NF2: variants seen among roughly 807,000 people sequenced by gnomAD.
NF2 encodes NF2, moesin-ezrin-radixin like (MERLIN) tumor suppressor.
In NF2, 8 loss-of-function variants were observed where a neutral mutation model predicts 83.7. The ratio of observed to expected loss-of-function variants is 0.10; its 90% CI spans 0.06 to 0.17. The LOEUF is 0.17. Ranked by LOEUF, NF2 falls within the 10% of genes least tolerant of loss-of-function variation. The pLI, the probability that NF2 is intolerant of heterozygous loss-of-function variation, is 1.00. For synonymous variants in NF2, 266 were observed against 269.6 expected, an observed-to-expected ratio of 0.99 and a Z score of 0.13; for missense variants, 533 against 744.4, an observed-to-expected ratio of 0.72 and a Z score of 3.31.
In NF2 at chr22:29,636,959, G is replaced by A. The variant is rs2146856604; in HGVS notation, c.240+83G>A. On this transcript the variant is annotated intron_variant, in intron 2 of 15. Transcript: ENST00000338641. The surrounding 1 kb of genome is among the most constrained non-coding windows in gnomAD (Gnocchi z 4.4). ...TGAGCAGGCGCCTAGCTCATCACTG[G>A]GGCGCTGTAGCTGTATAGTAGAGAA... 1 of 1,593,130 alleles carries A rather than the reference G, an allele frequency of 6.3e-7. No homozygotes were observed. The highest frequency in any genetic ancestry group is 1.7e-5 in the Admixed American group (1 of 59,956).
chr22:29,604,094 G>C lies in NF2; in HGVS notation c.96G>C (p.Glu32Asp). 6.2e-7 allele frequency: 1 copy of C among 1,606,562 alleles called. No individual in the cohort carries two copies. Among genetic ancestry groups the C allele is most frequent in the Non-Finnish European group, 8.5e-7 (1 of 1,176,690 alleles). ...TGAGGATCGTCACCATGGACGCCGA[G>C]ATGGAGTTCAATTGCGAGGTAACCG... ...FTVRIVTMDA[E>D]MEFNCEMKWK... Residue 32 changes from glutamate to aspartate, a missense_variant, in exon 1 of 16, where the codon GAG becomes GAC. By Grantham distance (45) the Glu-to-Asp change is conservative. Coordinates refer to ENST00000338641, the MANE Select transcript of NF2 (RefSeq NM_000268.4).
intron 8 of NF2, among the ~76,000 whole-genome samples, chr22:29,662,405 G>A (rs932235263): frequency 2.0e-5 from 3 of 152,208 alleles, no homozygotes; most frequent in African/African-American, 7.2e-5. Context: ...TGGAATTACA[G>A]GTGTGAGCCA....
At chr22:29,693,680 G>C (rs2158619) in intron 15 of NF2, among the ~76,000 whole-genome samples, 112,186 of 152,118 alleles carry the variant, frequency 0.74, 42,249 homozygotes, top group East Asian at 0.91. Context: ...CTTCTCAGCC[G>C]GGTGTGGAGC....
chr22:29,649,539 G>A (rs1384004171), intron 4 of NF2, among the ~76,000 whole-genome samples: 2 of 151,992 alleles, frequency 1.3e-5, no homozygotes, highest in African/African-American at 2.4e-5. Context: ...CCTTTCTCCA[G>A]AAAAAGGCAA....
intron 8 of NF2, among the ~76,000 whole-genome samples, chr22:29,664,400 C>T (rs2857644): frequency 0.047 from 7,123 of 152,022 alleles, 237 homozygotes; most frequent in Non-Finnish European, 0.073. Flanking sequence ...CACACACACA[C>T]ACACACAGCT....
At chr22:29,650,973 C>T (rs946166104) in intron 4 of NF2, among the ~76,000 whole-genome samples, 6 of 152,238 alleles carry the variant, frequency 3.9e-5, no homozygotes, top group Admixed American at 6.5e-5. Context: ...GTCTATTTTA[C>T]GTATAGGACT....
At chr22:29,690,897 G>T (rs1332227767) in intron 15 of NF2, among the ~76,000 whole-genome samples, 1 of 152,220 alleles carries the variant, frequency 6.6e-6, no homozygotes, top group Non-Finnish European at 1.5e-5. Context: ...GGGCCTGGCT[G>T]CGGGACTCCC....
intron 1 of NF2, among the ~76,000 whole-genome samples, chr22:29,628,253 C>G (rs1440840212): frequency 6.6e-6 from 1 of 151,320 alleles, no homozygotes; most frequent in Non-Finnish European, 1.5e-5. Context: ...TGGGGAAAGA[C>G]AAGTACCTCA....
intron 4 of NF2, 77 bp from the exon 5 acceptor site, chr22:29,654,580 A>T: frequency 8.2e-7 from 1 of 1,216,130 alleles, no homozygotes; most frequent in Non-Finnish European, 1.2e-6. Context: ...GGAGGGAATG[A>T]GATTGGTCCA....
intron 2 of NF2, among the ~76,000 whole-genome samples, chr22:29,638,614 C>T (rs908140449): frequency 2.6e-5 from 4 of 152,060 alleles, no homozygotes; most frequent in African/African-American, 7.2e-5. Flanking sequence ...GGCCTCCCAG[C>T]GTGCTGGGAT....
At chr22:29,616,340 TA>T (rs990128419) in intron 1 of NF2, among the ~76,000 whole-genome samples, 2 of 152,020 alleles carry the variant, frequency 1.3e-5, no homozygotes, top group African/African-American at 2.4e-5. Context: ...TCAAGATGTT[TA>T]AAAAAAACCT....
chr22:29,626,194 ACCAGG>A (rs1180602297), intron 1 of NF2, among the ~76,000 whole-genome samples: 3 of 139,154 alleles, frequency 2.2e-5, no homozygotes, highest in African/African-American at 8.1e-5. Flanking sequence ...TAACTCTGTC[ACCAGG>A]CTGGAGTACA....
At chr22:29,643,879 G>A (rs879006476) in intron 4 of NF2, among the ~76,000 whole-genome samples, 3 of 151,706 alleles carry the variant, frequency 2.0e-5, no homozygotes, top group African/African-American at 2.4e-5. Context: ...GGGCAGAGGC[G>A]CCCCTCACCT....
intron 1 of NF2, among the ~76,000 whole-genome samples, chr22:29,623,436 A>C (rs2065266949): frequency 6.6e-6 from 1 of 152,332 alleles, no homozygotes; most frequent in South Asian, 2.1e-4. Context: ...GGTTGGAAGT[A>C]GGAAACAATT....
At chr22:29,607,258 G>T (rs1428050458) in intron 1 of NF2, among the ~76,000 whole-genome samples, 3 of 152,144 alleles carry the variant, frequency 2.0e-5, no homozygotes, top group Non-Finnish European at 2.9e-5. Context: ...CAATTTGATT[G>T]TATCAGTTTG....
At chr22:29,678,162 C>T (rs1296516384) in intron 13 of NF2, 34 bp from the exon 14 acceptor site, 2 of 1,612,932 alleles carry the variant, frequency 1.2e-6, no homozygotes, top group South Asian at 2.2e-5. Flanking sequence ...GCTTGTATGA[C>T]CCAAGCTCCT....
intron 1 of NF2, among the ~76,000 whole-genome samples, chr22:29,608,423 C>T (rs1383318128): frequency 6.6e-6 from 1 of 150,732 alleles, no homozygotes; most frequent in Non-Finnish European, 1.5e-5. Context: ...TTTGGGAGTA[C>T]TCTGGGAGGC....
At chr22:29,664,467 CT>C (rs955416655) in intron 8 of NF2, among the ~76,000 whole-genome samples, 11 of 152,116 alleles carry the variant, frequency 7.2e-5, no homozygotes, top group Non-Finnish European at 1.5e-4. Flanking sequence ...GCCCCTTCAC[CT>C]GCCTTTTAGC....
At chr22:29,692,061 G>A (rs2067420144) in intron 15 of NF2, among the ~76,000 whole-genome samples, 1 of 152,210 alleles carries the variant, frequency 6.6e-6, no homozygotes, top group Non-Finnish European at 1.5e-5. Context: ...GAGGGTAAAG[G>A]ATGGGGCGGC....
Sources: allele counts gnomAD v4.1 joint callset (sites outside exome capture counted in the v4.1 genomes callset), GRCh38; gene constraint gnomAD v4.1.1; non-coding constraint Gnocchi (gnomAD v3.1); transcripts MANE v1.5; gene names NCBI Gene and HGNC (gene_info 2026-07-23, HGNC 2026-07-21).